MVB12B: variants seen among roughly 807,000 people sequenced by gnomAD.
MVB12B encodes the protein multivesicular body subunit 12B.
A neutral mutation model predicts 41.6 loss-of-function variants in MVB12B; 16 were observed. The observed-to-expected ratio is 0.38, with a 90% CI of 0.26 to 0.58. MVB12B has a LOEUF of 0.58. Among genes scored for constraint, MVB12B ranks in the 20% least tolerant of loss-of-function variants. The pLI is 0.62. For missense variants in MVB12B, 274 were observed against 380.2 expected, an observed-to-expected ratio of 0.72 and a Z score of 2.32; for synonymous variants, 133 against 139.7, an observed-to-expected ratio of 0.95 and a Z score of 0.34.
At chr9:126,485,683 C>T (rs542979260) in intron 9 of MVB12B, among the ~76,000 whole-genome samples, 1 of 152,022 alleles carries the variant, frequency 6.6e-6, no homozygotes, top group East Asian at 1.9e-4. Flanking sequence ...TTCATGAGGT[C>T]AGGGTACCTT....
intron 2 of MVB12B, among the ~76,000 whole-genome samples, chr9:126,350,808 A>G (rs1829724578): frequency 6.6e-6 from 1 of 152,238 alleles, no homozygotes; most frequent in African/African-American, 2.4e-5. Context: ...GGGACGTTCA[A>G]ACTATAGCAG....
chr9:126,341,969 T>G (rs1354020495), intron 2 of MVB12B, among the ~76,000 whole-genome samples: 1 of 152,200 alleles, frequency 6.6e-6, no homozygotes, highest in African/African-American at 2.4e-5. Context: ...TCATAAACAT[T>G]TTAAAAGTGA....
intron 2 of MVB12B, among the ~76,000 whole-genome samples, chr9:126,353,646 C>T (rs893404156): frequency 6.6e-6 from 1 of 152,190 alleles, no homozygotes. Context: ...TTATGCAGTA[C>T]ATAGTGTGCC....
At position 126,367,139 on chromosome 9, in the gene MVB12B, C is replaced by T. The variant is rs781664747; in HGVS notation, c.205-13925C>T. 3.9e-5 allele frequency among the ~76,000 whole-genome samples: 6 copies of T among 152,072 alleles called. No individual in the cohort carries two copies. Among genetic ancestry groups the T allele is most frequent in the South Asian group, 2.1e-4 (1 of 4,814 alleles). On this transcript the variant is annotated intron_variant, in intron 2 of 9. Coordinates refer to ENST00000361171, the MANE Select transcript of MVB12B (RefSeq NM_033446.3). This position sits in a 1 kb window ranked among gnomAD's most constrained non-coding sequence, Gnocchi z 4.3. ...TGGATAAGGTCCTCACAAGTCTTGA[C>T]GCGGGTAGTTTCTTCTAAGCAGTCT...
At chr9:126,341,867 G>A (rs1465306611) in intron 2 of MVB12B, among the ~76,000 whole-genome samples, 1 of 152,194 alleles carries the variant, frequency 6.6e-6, no homozygotes, top group Non-Finnish European at 1.5e-5. Context: ...GGTCAAGGCA[G>A]ATCTGTACTG....
At chr9:126,327,222 G>T (rs1829006772) in intron 1 of MVB12B, 5 of 984,230 alleles carry the variant, frequency 5.1e-6, no homozygotes, top group Middle Eastern at 5.2e-4. Context: ...GCCGGTGCCC[G>T]GGCTCGGCCT....
chr9:126,440,156 C>T (rs1179849569), intron 7 of MVB12B, among the ~76,000 whole-genome samples: 1 of 152,174 alleles, frequency 6.6e-6, no homozygotes, highest in Non-Finnish European at 1.5e-5. Context: ...CTGTATGGAG[C>T]CTTGTTTCAG....
In MVB12B at chr9:126,498,781, C is replaced by CT. The variant is rs1833891163; in HGVS notation, c.874-4395dup. Among the ~76,000 whole-genome samples the CT allele has an allele frequency of 2.0e-5, 3 of 152,330 alleles. No individual in the cohort carries two copies. In the South Asian group the frequency reaches 6.2e-4, roughly 32 times the overall value. On this transcript the variant is annotated intron_variant, in intron 9 of 9. Coordinates refer to ENST00000361171, the MANE Select transcript of MVB12B (RefSeq NM_033446.3). ...ACTGCCTTTTCTCGTCTGGAGCCCT[C>CT]TAGAGTGTTTAGTATGAGACCTGGT...
intron 7 of MVB12B, among the ~76,000 whole-genome samples, chr9:126,427,125 A>G (rs941908096): frequency 3.9e-5 from 6 of 152,170 alleles, no homozygotes; most frequent in African/African-American, 1.4e-4. Context: ...GGGGGGGAGG[A>G]GGGCTCCATA....
intron 6 of MVB12B, among the ~76,000 whole-genome samples, chr9:126,409,193 T>C (rs1431182197): frequency 6.6e-6 from 1 of 152,118 alleles, no homozygotes; most frequent in African/African-American, 2.4e-5. Flanking sequence ...GGGTTTTGGT[T>C]TTCCTTTGAT....
chr9:126,494,293 T>TC (rs1055658766), intron 9 of MVB12B, among the ~76,000 whole-genome samples: 9 of 152,114 alleles, frequency 5.9e-5, no homozygotes, highest in African/African-American at 2.2e-4. Flanking sequence ...GAGGCCCCCT[T>TC]CCCCACTGCC....
intron 7 of MVB12B, among the ~76,000 whole-genome samples, chr9:126,451,446 C>T (rs759403646): frequency 2.6e-5 from 4 of 151,994 alleles, no homozygotes; most frequent in African/African-American, 7.3e-5. Context: ...TAGAGGGTCT[C>T]GAGCAAATGA....
intron 7 of MVB12B, among the ~76,000 whole-genome samples, chr9:126,446,921 TTC>T (rs1832782688): frequency 2.8e-5 from 1 of 35,704 alleles, no homozygotes; most frequent in African/African-American, 7.7e-5. Context: ...TCTGTATTAG[TTC>T]TTTTTTTTAA....
chr9:126,424,465 A>G (rs1832114017), intron 7 of MVB12B, among the ~76,000 whole-genome samples: 2 of 152,278 alleles, frequency 1.3e-5, no homozygotes, highest in South Asian at 4.1e-4. Flanking sequence ...CTTGCACAGG[A>G]GTACCCTCCC....
chr9:126,396,825 A>G lies in MVB12B; in HGVS notation c.662+1128A>G, dbSNP rs561366436. The G allele has an allele frequency of 1.0e-3, 987 of 985,478 alleles. 3 individuals carry two copies. Among genetic ancestry groups the G allele is most frequent in the Non-Finnish European group, 1.1e-3 (935 of 829,932 alleles). The allele number at this position is 985,478 out of a possible 1,614,324, so 61.0% of individuals were successfully genotyped here. Reference sequence around the variant, plus strand: ...TTTCAGTTTCATTTGGCATAAAAAGATAGGAATCTCTAATAAGCCTCCCAG... The same window carrying G: ...TTTCAGTTTCATTTGGCATAAAAAGGTAGGAATCTCTAATAAGCCTCCCAG... On this transcript the variant is annotated intron_variant, in intron 6 of 9. Transcript: ENST00000361171.
chr9:126,488,434 C>G (rs1227614961), intron 9 of MVB12B, among the ~76,000 whole-genome samples: 1 of 152,004 alleles, frequency 6.6e-6, no homozygotes, highest in African/African-American at 2.4e-5. Flanking sequence ...GCCTCCCGCT[C>G]GTCCAGAACA....
At chr9:126,355,460 C>T (rs1389947241) in intron 2 of MVB12B, among the ~76,000 whole-genome samples, 4 of 152,260 alleles carry the variant, frequency 2.6e-5, no homozygotes, top group Non-Finnish European at 5.9e-5. Flanking sequence ...ATACCACTAA[C>T]AGCAAATCAT....
intron 7 of MVB12B, among the ~76,000 whole-genome samples, chr9:126,479,548 A>G (rs965851260): frequency 1.3e-5 from 2 of 152,146 alleles, no homozygotes; most frequent in African/African-American, 4.8e-5. Flanking sequence ...GTACTGAGTG[A>G]GATTGTTTGG....
chr9:126,346,268 A>G (rs1228662122), intron 2 of MVB12B, among the ~76,000 whole-genome samples: 1 of 152,182 alleles, frequency 6.6e-6, no homozygotes, highest in African/African-American at 2.4e-5. Context: ...CAGGCTATTG[A>G]CAATGGACAT....
Sources: gnomAD v4.1 joint callset for allele counts (sites outside exome capture counted in the v4.1 genomes callset) on GRCh38, gnomAD v4.1.1 for gene constraint, Gnocchi (gnomAD v3.1) non-coding constraint, MANE v1.5 for transcripts, NCBI Gene and HGNC (gene_info 2026-07-23, HGNC 2026-07-21) for gene names.